Variants in CNTNAP2 observed in about 807,000 individuals in gnomAD.
The protein encoded by CNTNAP2 is contactin-associated protein-like 2.
CNTNAP2 carries 98 observed loss-of-function variants against 155.2 expected under a neutral mutation model. That is an observed-to-expected ratio of 0.63 (90% CI 0.54 to 0.75). The LOEUF (loss-of-function observed/expected upper bound fraction) is 0.75, where lower values mean the gene tolerates loss of function less well. Ranked by LOEUF, CNTNAP2 falls within the 30% of genes least tolerant of loss-of-function variation. The pLI is 0.00. For missense variants in CNTNAP2, 1,727 were observed against 1,688.1 expected (o/e 1.02, Z -0.40); for synonymous variants, 651 against 631.2 (o/e 1.03, Z -0.47).
intron 1 of CNTNAP2, among the ~76,000 whole-genome samples, chr7:146,750,839 A>G (rs189578587): frequency 2.6e-4 from 40 of 152,280 alleles, no homozygotes; most frequent in South Asian, 8.3e-4. Context: ...CAAAAATTTT[A>G]CTACTTTTTC....
intron 20 of CNTNAP2, among the ~76,000 whole-genome samples, chr7:148,243,020 GCT>G: frequency 1.3e-5 from 2 of 152,250 alleles, no homozygotes; most frequent in African/African-American, 4.8e-5. Flanking sequence ...TGGGCTGGCA[GCT>G]CAAGAGAAAA....
At chr7:147,693,424 A>G (rs1796118550) in intron 13 of CNTNAP2, among the ~76,000 whole-genome samples, 1 of 152,130 alleles carries the variant, frequency 6.6e-6, no homozygotes, top group African/African-American at 2.4e-5. Context: ...TCTGTAGATC[A>G]AAGTAGGAAG....
At chr7:146,370,224 C>T (rs960606274) in intron 1 of CNTNAP2, among the ~76,000 whole-genome samples, 2 of 113,612 alleles carry the variant, frequency 1.8e-5, no homozygotes, top group African/African-American at 6.8e-5. Flanking sequence ...GAGTTCAAGA[C>T]AAGCCTGGCC....
At chr7:147,940,370 C>G (rs1800697563) in intron 14 of CNTNAP2, 1 of 147,340 alleles carries the variant, frequency 6.8e-6, no homozygotes, top group African/African-American at 2.5e-5. Context: ...ATATAGGTAG[C>G]GGTCCGACTT....
At chr7:148,413,401 A>AAAAAAAAAAT (rs1442990213) in intron 23 of CNTNAP2, among the ~76,000 whole-genome samples, 9 of 45,358 alleles carry the variant, frequency 2.0e-4, no homozygotes, top group African/African-American at 1.1e-3. Flanking sequence ...TCAAAAAAAA[A>AAAAAAAAAAT]ATATATATAT....
intron 4 of CNTNAP2, among the ~76,000 whole-genome samples, chr7:147,049,538 G>C (rs1269805595): frequency 2.3e-5 from 2 of 88,100 alleles, no homozygotes; most frequent in Admixed American, 2.1e-4. Context: ...ATAACTTTGA[G>C]TGGGGAATGT....
At chr7:147,761,351 G>A (rs1385972302) in intron 13 of CNTNAP2, among the ~76,000 whole-genome samples, 3 of 152,052 alleles carry the variant, frequency 2.0e-5, no homozygotes, top group African/African-American at 7.2e-5. Context: ...CCTCTTTCCT[G>A]CTTTTCTCTT....
chr7:146,637,300 T>C (rs969722644), intron 1 of CNTNAP2, among the ~76,000 whole-genome samples: 1 of 152,210 alleles, frequency 6.6e-6, no homozygotes, highest in African/African-American at 2.4e-5. Context: ...ATATTACACA[T>C]GAAAACTAAA....
At chr7:148,057,980 A>ATTATTATTG (rs1554467519) in intron 15 of CNTNAP2, among the ~76,000 whole-genome samples, 25 of 147,370 alleles carry the variant, frequency 1.7e-4, no homozygotes, top group Admixed American at 5.4e-4. Flanking sequence ...TATTATTATT[A>ATTATTATTG]TTATTATTGT....
chr7:148,345,119 G>A (rs1296742044), intron 21 of CNTNAP2, among the ~76,000 whole-genome samples: 7 of 152,258 alleles, frequency 4.6e-5, no homozygotes, highest in East Asian at 3.9e-4. Flanking sequence ...GAATTGGGAC[G>A]TTTAGCCTGA....
At chr7:146,249,885 GA>G (rs1302748936) in intron 1 of CNTNAP2, among the ~76,000 whole-genome samples, 3 of 151,370 alleles carry the variant, frequency 2.0e-5, no homozygotes, top group African/African-American at 7.3e-5. Context: ...GACTTTTCTT[GA>G]AAAAAAGAAA....
chr7:147,616,328 A>G (rs1006437675), intron 12 of CNTNAP2, among the ~76,000 whole-genome samples: 3 of 152,146 alleles, frequency 2.0e-5, no homozygotes, highest in Non-Finnish European at 4.4e-5. Flanking sequence ...CACAATTACA[A>G]CTAAAAGCAT....
chr7:146,966,372 A>G (rs1266919360), intron 3 of CNTNAP2, among the ~76,000 whole-genome samples: 1 of 152,206 alleles, frequency 6.6e-6, no homozygotes, highest in African/African-American at 2.4e-5. Context: ...ATGAAAATTC[A>G]TGTATAAAAT....
chr7:146,178,234 C>A (rs1446320761), intron 1 of CNTNAP2, among the ~76,000 whole-genome samples: 1 of 152,048 alleles, frequency 6.6e-6, no homozygotes, highest in Non-Finnish European at 1.5e-5. Context: ...GGAGTTTCAC[C>A]GTGTTAGCCA....
At chr7:146,689,113 T>C (rs1474765837) in intron 1 of CNTNAP2, among the ~76,000 whole-genome samples, 2 of 152,128 alleles carry the variant, frequency 1.3e-5, no homozygotes, top group African/African-American at 4.8e-5. Context: ...TATACAGTTA[T>C]ATATACTTTA....
intron 8 of CNTNAP2, among the ~76,000 whole-genome samples, chr7:147,196,347 A>T (rs990533343): frequency 2.6e-5 from 4 of 152,210 alleles, no homozygotes; most frequent in Non-Finnish European, 5.9e-5. Flanking sequence ...TGTAGATAAC[A>T]TCAGACCCAC....
intron 1 of CNTNAP2, among the ~76,000 whole-genome samples, chr7:146,462,221 C>G (rs994822994): frequency 7.9e-5 from 12 of 152,184 alleles, no homozygotes; most frequent in African/African-American, 2.9e-4. Flanking sequence ...TGTTTTATCT[C>G]TACTTAAACC....
At chr7:146,625,787 T>C (rs968828292) in intron 1 of CNTNAP2, among the ~76,000 whole-genome samples, 1 of 152,006 alleles carries the variant, frequency 6.6e-6, no homozygotes, top group Non-Finnish European at 1.5e-5. Context: ...CATAAGTAAT[T>C]CAGCGATGAG....
chr7:146,993,158 G>T (rs369624340), intron 3 of CNTNAP2, among the ~76,000 whole-genome samples: 1 of 152,164 alleles, frequency 6.6e-6, no homozygotes, highest in South Asian at 2.1e-4. Context: ...CTTGGAAGAA[G>T]GCCAAGCGGG....
Sources: gnomAD v4.1 joint callset for allele counts (sites outside exome capture counted in the v4.1 genomes callset) on GRCh38, gnomAD v4.1.1 for gene constraint, MANE v1.5 for transcripts, NCBI Gene and HGNC (gene_info 2026-07-23, HGNC 2026-07-21) for gene names.